PPP2CB: variants seen among roughly 807,000 people sequenced by gnomAD.
PPP2CB encodes the protein protein phosphatase 2 catalytic subunit beta.
PPP2CB carries 18 observed loss-of-function variants against 39.1 expected under a neutral mutation model. The ratio of observed to expected loss-of-function variants is 0.46; its 90% confidence interval spans 0.32 to 0.68. The LOEUF (loss-of-function observed/expected upper bound fraction) is 0.68. Ranked by LOEUF, PPP2CB falls within the 30% of genes least tolerant of loss-of-function variation. PPP2CB has a pLI of 0.04. For synonymous variants in PPP2CB, 129 were observed against 133.8 expected (o/e 0.96, Z 0.25); for missense variants, 226 against 396.9 (o/e 0.57, Z 3.66).
chr8:30,796,946 A>G (rs1422824835), intron 3 of PPP2CB, among the ~76,000 whole-genome samples: 2 of 152,070 alleles, frequency 1.3e-5, no homozygotes, highest in Admixed American at 1.3e-4. Flanking sequence ...TGGGCTGAAG[A>G]GATCCTCTCA....
chr8:30,799,296 A>G lies in PPP2CB; in HGVS notation c.312+250T>C, dbSNP rs1806579370. Among the ~76,000 whole-genome samples the G allele has an allele frequency of 4.6e-5, 7 of 152,356 alleles. No individual in the cohort carries two copies. The South Asian group carries it at 1.4e-3, about 32-fold the overall frequency. On this transcript the variant is annotated intron_variant, in intron 2 of 6. Coordinates refer to ENST00000221138, the MANE Select transcript of PPP2CB (RefSeq NM_001009552.2). ...AAAGACTTGTCTACTGACTCAATAT[A>G]ACGGATAAGTGATAAAGTCAAATAT...
At chr8:30,791,020 T>C in intron 6 of PPP2CB, 177 bp downstream of exon 6, 1 of 527,082 alleles carries the variant, frequency 1.9e-6, no homozygotes, top group Non-Finnish European at 3.3e-6. Context: ...TAGGACAATT[T>C]CCAAAAGCTT....
intron 6 of PPP2CB, among the ~76,000 whole-genome samples, chr8:30,787,346 GTTTTTA>G (rs1806361105): frequency 6.6e-6 from 1 of 152,082 alleles, no homozygotes; most frequent in South Asian, 2.1e-4. Context: ...GCATTAACTC[GTTTTTA>G]TTTTTGAGAC....
chr8:30,812,324 T>C lies in PPP2CB; in HGVS notation c.98A>G (p.Glu33Gly), dbSNP rs769752319. ...TCGCCCCCGCGGCGCCCTCACCTTC[T>C]CGCACAGCGTCCGCACTTGGTTCTC... ...LNENQVRTLC[E>G]KAKEILTKES... The change falls in exon 1 of 7, where the codon GAG (glutamate) becomes GGG (glycine). Residue 33 changes from glutamate to glycine, a missense_variant. Glu to Gly is a moderately conservative substitution (Grantham distance 98). Around this residue, in one of 4 missense-constraint regions of PPP2CB, gnomAD observed 59 missense variants for 42.6 expected, o/e 1.38. Transcript: ENST00000221138. The C allele has an allele frequency of 2.4e-5, 36 of 1,528,702 alleles. No homozygotes were observed. The highest frequency in any genetic ancestry group is 2.9e-5 in the African/African-American group (2 of 70,098). The allele number at this position is 1,528,702 out of a possible 1,614,324, so 94.7% of individuals were successfully genotyped here.
At chr8:30,811,607 C>G (rs1437423498) in intron 1 of PPP2CB, among the ~76,000 whole-genome samples, 1 of 151,840 alleles carries the variant, frequency 6.6e-6, no homozygotes, top group African/African-American at 2.4e-5. Context: ...GCGATCCTCC[C>G]GCCTCAGCCT....
intron 1 of PPP2CB, among the ~76,000 whole-genome samples, chr8:30,810,834 C>T (rs1395978785): frequency 1.3e-5 from 2 of 152,218 alleles, no homozygotes; most frequent in African/African-American, 4.8e-5. Flanking sequence ...TGTAACTTAA[C>T]ACCATCTATT....
chr8:30,788,051 C>T (rs140876520), intron 6 of PPP2CB, among the ~76,000 whole-genome samples: 1 of 152,022 alleles, frequency 6.6e-6, no homozygotes, highest in Non-Finnish European at 1.5e-5. Flanking sequence ...TAATGTGAGT[C>T]TTTACTCCTT....
chr8:30,786,016 G>C lies in PPP2CB; in HGVS notation c.*219C>G, dbSNP rs1806334253. 1 of 659,860 alleles carries C rather than the reference G, an allele frequency of 1.5e-6. No homozygotes were observed. Among genetic ancestry groups the C allele is most frequent in the South Asian group, 1.5e-5 (1 of 66,126 alleles). The allele number at this position is 659,860 out of a possible 1,614,324, so 40.9% of individuals were successfully genotyped here. On this transcript the variant is annotated 3_prime_UTR_variant, in exon 7 of 7. Transcript: ENST00000221138. ...TATAAATACAGCAGGCAAACTGTTA[G>C]ACTGACCTAGAACATAGTGTACTAA...
intron 1 of PPP2CB, among the ~76,000 whole-genome samples, chr8:30,803,450 C>T (rs778810530): frequency 9.2e-5 from 14 of 151,776 alleles, no homozygotes; most frequent in Non-Finnish European, 1.5e-4. Flanking sequence ...GAGACTGAGG[C>T]GTGAAGATGG....
chr8:30,809,087 T>C (rs989377289), intron 1 of PPP2CB, among the ~76,000 whole-genome samples: 1 of 151,858 alleles, frequency 6.6e-6, no homozygotes, highest in Non-Finnish European at 1.5e-5. Flanking sequence ...TTTTTTTTTT[T>C]TTTTTTAGTA....
intron 6 of PPP2CB, among the ~76,000 whole-genome samples, chr8:30,789,751 T>G (rs1806401597): frequency 6.6e-6 from 1 of 152,224 alleles, no homozygotes; most frequent in Non-Finnish European, 1.5e-5. Flanking sequence ...GTTACACCAT[T>G]TGTTGATCAA....
chr8:30,812,298 C>T, intron 1 of PPP2CB, 22 bp downstream of exon 1: 1 of 1,488,942 alleles, frequency 6.7e-7, no homozygotes, highest in Non-Finnish European at 9.0e-7. Flanking sequence ...CGCTCCCGCA[C>T]TCGCCCCCGC....
chr8:30,801,761 T>C (rs751933282), intron 1 of PPP2CB, among the ~76,000 whole-genome samples: 1 of 152,192 alleles, frequency 6.6e-6, no homozygotes, highest in Non-Finnish European at 1.5e-5. Flanking sequence ...ATACTCAACC[T>C]GTAGCGATTT....
At chr8:30,799,335 C>A (rs1806580029) in intron 2 of PPP2CB, among the ~76,000 whole-genome samples, 1 of 152,132 alleles carries the variant, frequency 6.6e-6, no homozygotes, top group South Asian at 2.1e-4. Flanking sequence ...TCCAAGACTT[C>A]AGCTATGGAC....
chr8:30,795,703 T>C (rs1444866168), intron 3 of PPP2CB, among the ~76,000 whole-genome samples: 2 of 152,204 alleles, frequency 1.3e-5, no homozygotes, highest in African/African-American at 4.8e-5. Context: ...TAAAACTATT[T>C]ACACCTGGTT....
At chr8:30,809,214 A>C (rs1039319603) in intron 1 of PPP2CB, among the ~76,000 whole-genome samples, 21 of 151,888 alleles carry the variant, frequency 1.4e-4, no homozygotes, top group African/African-American at 5.1e-4. Context: ...GTGCCCGGCC[A>C]ATGAATATAT....
At chr8:30,806,192 C>T (rs552120870) in intron 1 of PPP2CB, among the ~76,000 whole-genome samples, 1 of 151,586 alleles carries the variant, frequency 6.6e-6, no homozygotes, top group Admixed American at 6.6e-5. Context: ...GGCCTACAGG[C>T]GCCTGCCACC....
In PPP2CB at chr8:30,788,313, T is replaced by C. The variant is rs191795387; in HGVS notation, c.858-2006A>G. Among the ~76,000 whole-genome samples the C allele has an allele frequency of 1.0e-3, 157 of 152,178 alleles. 1 individual carries two copies. The highest frequency in any genetic ancestry group is 1.7e-3 in the East Asian group (9 of 5,172). On this transcript the variant is annotated intron_variant, in intron 6 of 6. Coordinates refer to ENST00000221138, the MANE Select transcript of PPP2CB (RefSeq NM_001009552.2). ...GGTCTTTGCTCTGTTGCCTAGGCTG[T>C]AGTGTAGTGCTGTGATCATAGCTCA...
rs1400382330 is a variant in PPP2CB, at chr8:30,812,365, C to G, written c.57G>C (p.Glu19Asp). 1.3e-6 allele frequency: 2 copies of G among 1,564,270 alleles called. No individual in the cohort carries two copies. The highest frequency in any genetic ancestry group is 2.3e-5 in the South Asian group (2 of 87,166). Residue 19 changes from glutamate (E) to aspartate (D), a missense_variant, in exon 1 of 7, where the codon GAG (glutamate) becomes GAC (aspartate). This residue lies in a region of PPP2CB where 59 missense variants were observed against 42.6 expected (regional missense o/e 1.38). Transcript: ENST00000221138. ...ELDQWVEQLN[E>D]CKQLNENQVR... Reference sequence around the variant, plus strand: ...CTTGGTTCTCGTTCAGCTGCTTACACTCGTTCAGCTGCTCGACCCACTGGT... The same window carrying G: ...CTTGGTTCTCGTTCAGCTGCTTACAGTCGTTCAGCTGCTCGACCCACTGGT...
Sources: allele counts gnomAD v4.1 joint callset (sites outside exome capture counted in the v4.1 genomes callset), GRCh38; gene constraint gnomAD v4.1.1; regional missense constraint gnomAD v4.1.1; transcripts MANE v1.5; gene names NCBI Gene and HGNC (gene_info 2026-07-23, HGNC 2026-07-21).